FHIP1A: variants seen among roughly 807,000 people sequenced by gnomAD.
FHIP1A encodes the protein FHF complex subunit HOOK interacting protein 1A.
In FHIP1A, 61 loss-of-function variants were observed where a neutral mutation model predicts 88.6. That is an observed-to-expected ratio of 0.69 (90% CI 0.56 to 0.85). The LOEUF is 0.85. Among genes scored for constraint, FHIP1A ranks in the 40% least tolerant of loss-of-function variants. The pLI is 0.00. For synonymous variants in FHIP1A, 478 were observed against 496.0 expected (o/e 0.96, Z 0.48); for missense variants, 1,154 against 1,273.5 (o/e 0.91, Z 1.43).
At chr4:151,499,726 G>A (rs2034062) in intron 3 of FHIP1A, among the ~76,000 whole-genome samples, 3,110 of 152,288 alleles carry the variant, frequency 0.02, 106 homozygotes, top group African/African-American at 0.07. Context: ...CGTGGAAGGG[G>A]AAGCAAACAC....
intron 1 of FHIP1A, among the ~76,000 whole-genome samples, chr4:151,445,661 G>C (rs1047067856): frequency 2.0e-5 from 3 of 151,596 alleles, no homozygotes; most frequent in Non-Finnish European, 4.4e-5. Flanking sequence ...TAGGAACCCT[G>C]TGCCAGGAAT....
At chr4:151,444,758 A>T (rs553597886) in intron 1 of FHIP1A, among the ~76,000 whole-genome samples, 1 of 152,280 alleles carries the variant, frequency 6.6e-6, no homozygotes, top group South Asian at 2.1e-4. Flanking sequence ...TTATTCATGA[A>T]GCCATATTTT....
intron 1 of FHIP1A, among the ~76,000 whole-genome samples, chr4:151,426,348 A>AT (rs1046804734): frequency 2.6e-5 from 4 of 151,556 alleles, no homozygotes; most frequent in African/African-American, 7.3e-5. Context: ...GCAACGCTTA[A>AT]TTTTTTTTTC....
At chr4:151,503,330 C>T (rs189311569) in intron 3 of FHIP1A, among the ~76,000 whole-genome samples, 37 of 152,324 alleles carry the variant, frequency 2.4e-4, no homozygotes, top group Non-Finnish European at 4.1e-4. Flanking sequence ...CTGGCGCCAT[C>T]ATGGGCAGAA....
intron 8 of FHIP1A, among the ~76,000 whole-genome samples, chr4:151,631,950 GTAAT>G (rs1381934061): frequency 1.3e-5 from 2 of 152,092 alleles, no homozygotes; most frequent in Admixed American, 1.3e-4. Flanking sequence ...TTCCACCTCA[GTAAT>G]TATTTTAAAT....
chr4:151,416,294 C>CT (rs1732888294), intron 1 of FHIP1A, among the ~76,000 whole-genome samples: 1 of 152,100 alleles, frequency 6.6e-6, no homozygotes, highest in Admixed American at 6.6e-5. Context: ...TTAGTCCAAG[C>CT]TTTTTTTCAT....
intron 3 of FHIP1A, among the ~76,000 whole-genome samples, chr4:151,546,116 T>G (rs1732492973): frequency 6.6e-6 from 1 of 152,140 alleles, no homozygotes; most frequent in African/African-American, 2.4e-5. Context: ...GCGGCCCAGG[T>G]AGACAGAAAA....
intron 2 of FHIP1A, among the ~76,000 whole-genome samples, chr4:151,458,986 C>T (rs1178934968): frequency 2.0e-5 from 3 of 152,098 alleles, no homozygotes; most frequent in East Asian, 1.9e-4. Flanking sequence ...CACCTTTAAA[C>T]GAACAAGTGA....
chr4:151,513,949 G>A (rs762713035), intron 3 of FHIP1A, among the ~76,000 whole-genome samples: 114 of 149,608 alleles, frequency 7.6e-4, no homozygotes, highest in Middle Eastern at 3.4e-3. Flanking sequence ...TGCACCAAGC[G>A]GACCTAATAG....
At chr4:151,559,241 G>A (rs1253766852) in intron 3 of FHIP1A, among the ~76,000 whole-genome samples, 1 of 152,118 alleles carries the variant, frequency 6.6e-6, no homozygotes, top group Non-Finnish European at 1.5e-5. Context: ...TGTTGTCATT[G>A]CTATACTTAT....
At chr4:151,496,243 ATATTTT>A (rs1264465107) in intron 3 of FHIP1A, among the ~76,000 whole-genome samples, 1 of 148,552 alleles carries the variant, frequency 6.7e-6, no homozygotes, top group African/African-American at 2.5e-5. Context: ...TTATATATAT[ATATTTT>A]TATATATATA....
chr4:151,640,862 G>A (rs1285633366), intron 9 of FHIP1A, among the ~76,000 whole-genome samples: 1 of 152,160 alleles, frequency 6.6e-6, no homozygotes, highest in Non-Finnish European at 1.5e-5. Context: ...TTACAAAAGT[G>A]TCCGCAGAGA....
At chr4:151,438,400 G>A (rs1334802976) in intron 1 of FHIP1A, among the ~76,000 whole-genome samples, 2 of 151,916 alleles carry the variant, frequency 1.3e-5, no homozygotes, top group African/African-American at 4.8e-5. Flanking sequence ...TAACCTAGCG[G>A]GGCACCTGTC....
At chr4:151,653,374 C>G (rs184732882) in intron 11 of FHIP1A, among the ~76,000 whole-genome samples, 1 of 152,116 alleles carries the variant, frequency 6.6e-6, no homozygotes, top group African/African-American at 2.4e-5. Flanking sequence ...CTCTCTCTCT[C>G]TCTCCCCCTC....
At chr4:151,467,641 A>G (rs1309918410) in intron 2 of FHIP1A, among the ~76,000 whole-genome samples, 2 of 152,236 alleles carry the variant, frequency 1.3e-5, no homozygotes, top group Non-Finnish European at 2.9e-5. Context: ...ATGGAATACT[A>G]TGCAACCATA....
chr4:151,586,362 A>C (rs1734213233), intron 5 of FHIP1A, among the ~76,000 whole-genome samples: 1 of 152,190 alleles, frequency 6.6e-6, no homozygotes, highest in Non-Finnish European at 1.5e-5. Context: ...CTAGCCCAGC[A>C]TAGTGCCTGG....
Position 151,586,635 on chromosome 4 carries a change from A to G in FHIP1A, c.733-6A>G. ...GCATTTATTTTGTTTTTATTTCTGA[A>G]CACAGGTACTTGCAACTGGGCTCAG... On this transcript the variant is annotated splice_polypyrimidine_tract_variant and splice_region_variant and intron_variant, in intron 5 of 13. Transcript: ENST00000435205. 1.3e-6 allele frequency: 2 copies of G among 1,536,472 alleles called. No homozygotes were observed. The highest frequency in any genetic ancestry group is 1.8e-6 in the Non-Finnish European group (2 of 1,135,218).
At chr4:151,414,310 C>G (rs1489413933) in intron 1 of FHIP1A, among the ~76,000 whole-genome samples, 3 of 152,196 alleles carry the variant, frequency 2.0e-5, no homozygotes, top group Admixed American at 6.5e-5. Flanking sequence ...GCCTCGGCCT[C>G]CCAAAGGGCT....
chr4:151,649,608 G>T lies in FHIP1A; in HGVS notation c.1567G>T (p.Ala523Ser). Reference sequence around the variant, plus strand: ...CATGAGGGACTGCCGTGTCTGGTCCGCCCTGTATGATGGCGACTCCCCCGA... The same window carrying T: ...CATGAGGGACTGCCGTGTCTGGTCCTCCCTGTATGATGGCGACTCCCCCGA... ...RCMRDCRVWS[A>S]LYDGDSPDPE... The change falls in exon 11 of 14, where the codon GCC becomes TCC. Residue 523 changes from alanine to serine, a missense_variant. Transcript: ENST00000435205. 1.3e-6 allele frequency: 2 copies of T among 1,551,674 alleles called. No individual in the cohort carries two copies. The highest frequency in any genetic ancestry group is 4.9e-5 in the East Asian group (2 of 40,914).
Sources: allele counts gnomAD v4.1 joint callset (sites outside exome capture counted in the v4.1 genomes callset), GRCh38; gene constraint gnomAD v4.1.1; transcripts MANE v1.5; gene names NCBI Gene and HGNC (gene_info 2026-07-23, HGNC 2026-07-21).